Variants in MYO1E observed in about 807,000 individuals in gnomAD.
MYO1E encodes the protein myosin IE, also known as unconventional myosin-Ie.
A neutral mutation model predicts 151.1 loss-of-function variants in MYO1E; 68 were observed. That is an observed-to-expected ratio of 0.45 (90% CI 0.37 to 0.55). The LOEUF (loss-of-function observed/expected upper bound fraction) is 0.55. Ranked by LOEUF, MYO1E falls within the 20% of genes least tolerant of loss-of-function variation. The pLI, the probability that MYO1E is intolerant of heterozygous loss-of-function variation, is 0.00. For synonymous variants in MYO1E, 601 were observed against 501.7 expected, an observed-to-expected ratio of 1.20 and a Z score of -2.64; for missense variants, 1,363 against 1,389.3, an observed-to-expected ratio of 0.98 and a Z score of 0.30.
At chr15:59,203,553 G>A (rs902013385) in intron 15 of MYO1E, among the ~76,000 whole-genome samples, 9 of 151,954 alleles carry the variant, frequency 5.9e-5, no homozygotes, top group Admixed American at 4.6e-4. Flanking sequence ...TTTTTGTATC[G>A]TTAGTAGAGA....
At chr15:59,147,645 T>C (rs966904347) in intron 26 of MYO1E, among the ~76,000 whole-genome samples, 1 of 147,476 alleles carries the variant, frequency 6.8e-6, no homozygotes, top group African/African-American at 2.5e-5. Flanking sequence ...GAAGAGACTG[T>C]GGAACGGTGC....
chr15:59,224,191 C>T (rs911476361), intron 8 of MYO1E, among the ~76,000 whole-genome samples: 1 of 152,172 alleles, frequency 6.6e-6, no homozygotes, highest in Non-Finnish European at 1.5e-5. Context: ...TGGACCATAA[C>T]ATACATGCAA....
intron 8 of MYO1E, among the ~76,000 whole-genome samples, chr15:59,223,953 C>G (rs1274021275): frequency 6.6e-6 from 1 of 152,206 alleles, no homozygotes; most frequent in Admixed American, 6.5e-5. Flanking sequence ...TTTGAACTTT[C>G]TGTCCCTTTC....
At chr15:59,254,568 G>C (rs907294476) in intron 4 of MYO1E, among the ~76,000 whole-genome samples, 3 of 152,114 alleles carry the variant, frequency 2.0e-5, no homozygotes, top group Non-Finnish European at 2.9e-5. Context: ...AAATAAAACA[G>C]AATTGGCCAT....
chr15:59,338,597 G>T (rs1190617834), intron 1 of MYO1E, among the ~76,000 whole-genome samples: 1 of 152,080 alleles, frequency 6.6e-6, no homozygotes, highest in Non-Finnish European at 1.5e-5. Flanking sequence ...AGGAGTATTG[G>T]GGCTGGTCTC....
chr15:59,146,023 T>G (rs1224012773), intron 26 of MYO1E, among the ~76,000 whole-genome samples: 1 of 152,140 alleles, frequency 6.6e-6, no homozygotes, highest in Non-Finnish European at 1.5e-5. Flanking sequence ...TATTTCCTTA[T>G]TGTTATTATT....
rs558615707 is a variant in MYO1E at position 59,144,968 on chromosome 15, TAAG to T, written c.3081-6604_3081-6602del. 2.4e-4 allele frequency among the ~76,000 whole-genome samples: 37 copies of T among 151,994 alleles called. No homozygotes were observed. The South Asian group carries it at 4.4e-3, about 18-fold the overall frequency. ...AAGCGATTCTCCTGCCTCAGCCTCC[TAAG>T]TAGTTGGGACTACAGGCATGCACCA... is the stretch of plus-strand genomic sequence containing the variant. On this transcript the variant is annotated intron_variant, in intron 26 of 27. Coordinates refer to ENST00000288235, the MANE Select transcript of MYO1E (RefSeq NM_004998.4).
intron 1 of MYO1E, among the ~76,000 whole-genome samples, chr15:59,279,380 G>C (rs921901826): frequency 6.6e-6 from 1 of 152,198 alleles, no homozygotes; most frequent in Admixed American, 6.5e-5. Context: ...ATGCAGAAGA[G>C]AGTGTTGTTA....
chr15:59,165,020 C>T (rs376586711), intron 22 of MYO1E, among the ~76,000 whole-genome samples: 5 of 152,280 alleles, frequency 3.3e-5, no homozygotes, highest in Admixed American at 6.5e-5. Context: ...CAACAAGAGG[C>T]GCCATCTATA....
chr15:59,239,641 T>C lies in MYO1E; in HGVS notation c.333-2969A>G, dbSNP rs182611663. On this transcript the variant is annotated intron_variant, in intron 4 of 27. Coordinates refer to ENST00000288235, the MANE Select transcript of MYO1E (RefSeq NM_004998.4). ...AAGTAATAATAATGGAAAGTAGCTCTTTTAATATATCAAAATAAGTATACC... is the reference window on the plus strand; with the variant it reads ...AAGTAATAATAATGGAAAGTAGCTCCTTTAATATATCAAAATAAGTATACC... 1.3e-3 allele frequency among the ~76,000 whole-genome samples: 204 copies of C among 152,366 alleles called. 1 individual carries two copies. The highest frequency in any genetic ancestry group is 4.8e-3 in the African/African-American group (200 of 41,586).
At chr15:59,174,292 G>T in intron 19 of MYO1E, 52 bp from the exon 20 acceptor site, 1 of 1,280,120 alleles carries the variant, frequency 7.8e-7, no homozygotes, top group Non-Finnish European at 1.1e-6. Flanking sequence ...CCCAATCCCT[G>T]AACAACACTT....
chr15:59,207,766 T>G, intron 14 of MYO1E: 1 of 1,614,148 alleles, frequency 6.2e-7, no homozygotes. Flanking sequence ...TCCTGAGCAA[T>G]GGAAAAATGT....
chr15:59,326,214 A>G (rs1188368553), intron 1 of MYO1E, among the ~76,000 whole-genome samples: 1 of 151,460 alleles, frequency 6.6e-6, no homozygotes, highest in Non-Finnish European at 1.5e-5. Flanking sequence ...ACTTCTCTGG[A>G]AAAGCGCACA....
At position 59,208,752 on chromosome 15, in the gene MYO1E, T is replaced by C; in HGVS notation, c.1459A>G (p.Met487Val). Residue 487 changes from methionine to valine, a missense_variant, in exon 14 of 28, where the codon ATG (methionine) becomes GTG (valine). Coordinates refer to ENST00000288235, the MANE Select transcript of MYO1E (RefSeq NM_004998.4). Reference sequence around the variant, plus strand: ...AAGTGCTCATGACTCCCAATCTGCATCTGAAGTTTCTGGAGCAGCGTCTGA... The same window carrying C: ...AAGTGCTCATGACTCCCAATCTGCACCTGAAGTTTCTGGAGCAGCGTCTGA... The part of the protein sequence containing the change: ...ADQTLLQKLQ[M>V]QIGSHEHFNS... 6.2e-7 allele frequency: 1 copy of C among 1,614,200 alleles called. No homozygotes were observed. Among genetic ancestry groups the C allele is most frequent in the Non-Finnish European group, 8.5e-7 (1 of 1,180,026 alleles).
intron 1 of MYO1E, among the ~76,000 whole-genome samples, chr15:59,309,204 T>C (rs2140409249): frequency 6.6e-6 from 1 of 152,296 alleles, no homozygotes; most frequent in East Asian, 1.9e-4. Context: ...TACTATGCAC[T>C]AGCTCTGAGC....
At chr15:59,336,225 G>T (rs1278786171) in intron 1 of MYO1E, among the ~76,000 whole-genome samples, 1 of 151,832 alleles carries the variant, frequency 6.6e-6, no homozygotes, top group African/African-American at 2.4e-5. Context: ...ACAAAAATTA[G>T]CTGGGTGCGA....
In MYO1E at chr15:59,161,228, A is replaced by T; in HGVS notation, c.2630T>A (p.Leu877His). 1 of 1,613,822 alleles carries T rather than the reference A, an allele frequency of 6.2e-7. No homozygotes were observed. Among genetic ancestry groups the T allele is most frequent in the Middle Eastern group, 1.7e-4 (1 of 6,058 alleles). Residue 877 changes from leucine to histidine, a missense_variant and splice_region_variant, in exon 24 of 28, where the codon CTT becomes CAT. Leu to His is a moderately conservative substitution (Grantham distance 99). Transcript: ENST00000288235. ...KQLPLKFSNT[L>H]ELKLKKENWG... is the part of the protein sequence containing the mutation. ...GTTTTCCTTTTTCAACTTCAGTTCA[A>T]GCCTGCAAAAAGCACAGTGGGGTTA...
chr15:59,139,293 C>G (rs1414831561), intron 26 of MYO1E, among the ~76,000 whole-genome samples: 1 of 131,644 alleles, frequency 7.6e-6, no homozygotes, highest in African/African-American at 2.8e-5. Context: ...CCTCAGGCTT[C>G]CCTCCCACCC....
chr15:59,228,343 C>T (rs2080004534), intron 6 of MYO1E, among the ~76,000 whole-genome samples: 1 of 151,934 alleles, frequency 6.6e-6, no homozygotes, highest in African/African-American at 2.4e-5. Flanking sequence ...ATTAGCTGGG[C>T]ATGGTGGCGG....
Sources: gnomAD v4.1 joint callset for allele counts (sites outside exome capture counted in the v4.1 genomes callset) on GRCh38, gnomAD v4.1.1 for gene constraint, MANE v1.5 for transcripts, NCBI Gene and HGNC (gene_info 2026-07-23, HGNC 2026-07-21) for gene names.